The following SCD5 variants were observed in gnomAD, a reference collection of about 807,000 sequenced individuals.
SCD5 encodes stearoyl-CoA desaturase 5, also known as acyl-CoA-desaturase 4.
In SCD5, 20 loss-of-function variants were observed where a neutral mutation model predicts 30.4. The ratio of observed to expected loss-of-function variants is 0.66; its 90% CI spans 0.46 to 0.96. The LOEUF is 0.96. SCD5 is among the 40% of genes least tolerant of loss of function. SCD5 has a pLI of 0.00. For missense variants in SCD5, 381 were observed against 443.3 expected (o/e 0.86, Z 1.26); for synonymous variants, 173 against 176.4 (o/e 0.98, Z 0.16).
At chr4:82,780,016 T>C (rs1721834771) in intron 1 of SCD5, among the ~76,000 whole-genome samples, 1 of 152,248 alleles carries the variant, frequency 6.6e-6, no homozygotes, top group South Asian at 2.1e-4. Flanking sequence ...AAGGATACTG[T>C]GGCCCTATAA....
intron 3 of SCD5, among the ~76,000 whole-genome samples, chr4:82,663,402 A>G (rs1728064770): frequency 6.6e-6 from 1 of 152,184 alleles, no homozygotes; most frequent in Non-Finnish European, 1.5e-5. Context: ...CTCACAAGGA[A>G]GGTTGGGGAC....
intron 1 of SCD5, among the ~76,000 whole-genome samples, chr4:82,715,319 G>A (rs1363810158): frequency 6.6e-6 from 1 of 151,492 alleles, no homozygotes; most frequent in Non-Finnish European, 1.5e-5. Flanking sequence ...AGCGGAAATG[G>A]AAGACGTTGG....
intron 1 of SCD5, among the ~76,000 whole-genome samples, chr4:82,746,318 G>T (rs1720981290): frequency 6.6e-6 from 1 of 152,240 alleles, no homozygotes; most frequent in Non-Finnish European, 1.5e-5. Context: ...GCTCTCTTAG[G>T]CTGAGGAGTG....
At chr4:82,726,786 G>A (rs1720508717) in intron 1 of SCD5, among the ~76,000 whole-genome samples, 1 of 152,118 alleles carries the variant, frequency 6.6e-6, no homozygotes, top group Admixed American at 6.5e-5. Context: ...GAGACGCGCT[G>A]GACTGGATAA....
Position 82,705,391 on chromosome 4 carries a change from G to T in SCD5, c.255C>A (p.Ala85=), listed in dbSNP as rs374544503. Residue 85 remains alanine (A), a synonymous_variant, in exon 2 of 5, where the codon GCC becomes GCA. Coordinates refer to ENST00000319540, the MANE Select transcript of SCD5 (RefSeq NM_001037582.3). The stretch of plus-strand genomic sequence containing the variant: ...GGGCACCAGCTGTCACACCCAGAGC[G>T]GCCAGGAGGAAGCAGAAGTAGGCTG... ...LLWAYFCFLL[A]ALGVTAGAHR... 6.2e-7 allele frequency: 1 copy of T among 1,614,178 alleles called. No individual in the cohort carries two copies. The highest frequency in any genetic ancestry group is 1.7e-5 in the Admixed American group (1 of 60,032).
intron 1 of SCD5, among the ~76,000 whole-genome samples, chr4:82,797,816 G>T (rs956810988): frequency 6.6e-6 from 1 of 152,158 alleles, no homozygotes; most frequent in Non-Finnish European, 1.5e-5. Context: ...CTCCTCCCCG[G>T]TCCAACTCCC....
chr4:82,697,609 T>G (rs1379783566), intron 2 of SCD5, among the ~76,000 whole-genome samples: 1 of 152,210 alleles, frequency 6.6e-6, no homozygotes, highest in Non-Finnish European at 1.5e-5. Flanking sequence ...AAGTAAGGCA[T>G]CTTAGGGGTG....
At chr4:82,696,687 G>C (rs1169361518) in intron 2 of SCD5, among the ~76,000 whole-genome samples, 2 of 152,172 alleles carry the variant, frequency 1.3e-5, no homozygotes, top group African/African-American at 2.4e-5. Context: ...AGGCAGCTGG[G>C]GGAGAAATCA....
Position 82,680,924 on chromosome 4 carries a change from A to G in SCD5, c.364-12T>C. 1 of 1,608,538 alleles carries G rather than the reference A, an allele frequency of 6.2e-7. No homozygotes were observed. Among genetic ancestry groups the G allele is most frequent in the Non-Finnish European group, 8.5e-7 (1 of 1,178,916 alleles). On this transcript the variant is annotated splice_polypyrimidine_tract_variant and intron_variant, in intron 2 of 4. Transcript: ENST00000319540. ...TCGAAGATGTCATTCTGCAGAGAGAATGAGAGCCTGAGTGAAGAGAGGAAC... is the reference window on the plus strand; with the variant it reads ...TCGAAGATGTCATTCTGCAGAGAGAGTGAGAGCCTGAGTGAAGAGAGGAAC...
chr4:82,693,040 G>T (rs1443478125), intron 2 of SCD5, among the ~76,000 whole-genome samples: 3 of 152,226 alleles, frequency 2.0e-5, no homozygotes, highest in Non-Finnish European at 2.9e-5. Flanking sequence ...TGGACTCAGT[G>T]TGACCCTGAT....
At chr4:82,721,160 TAAAACA>T (rs758783172) in intron 1 of SCD5, among the ~76,000 whole-genome samples, 3 of 151,964 alleles carry the variant, frequency 2.0e-5, no homozygotes, top group South Asian at 4.2e-4. Flanking sequence ...GACCCCATCT[TAAAACA>T]AAAACAAAAA....
intron 3 of SCD5, among the ~76,000 whole-genome samples, chr4:82,664,572 A>G (rs925677453): frequency 1.3e-5 from 2 of 152,202 alleles, no homozygotes; most frequent in Non-Finnish European, 2.9e-5. Context: ...AAAGGGATCT[A>G]TGGAAAAGGT....
intron 1 of SCD5, among the ~76,000 whole-genome samples, chr4:82,721,037 G>A (rs112634815): frequency 0.014 from 2,082 of 152,212 alleles, 52 homozygotes; most frequent in African/African-American, 0.047. Flanking sequence ...GCACATGCCT[G>A]TAGTTCCAGC....
chr4:82,790,137 T>C (rs1001213563), intron 1 of SCD5, among the ~76,000 whole-genome samples: 1 of 152,104 alleles, frequency 6.6e-6, no homozygotes, highest in African/African-American at 2.4e-5. Context: ...GAGATGTTTG[T>C]CCCAGTGTCT....
chr4:82,712,291 TATA>T (rs1720122951), intron 1 of SCD5, among the ~76,000 whole-genome samples: 2 of 46,952 alleles, frequency 4.3e-5, no homozygotes, highest in African/African-American at 9.3e-5. Flanking sequence ...TATATATATA[TATA>T]TATTTTATTT....
At chr4:82,751,732 T>C (rs1461154445) in intron 1 of SCD5, among the ~76,000 whole-genome samples, 1 of 152,188 alleles carries the variant, frequency 6.6e-6, no homozygotes, top group Admixed American at 6.5e-5. Context: ...GTTCAAGCAA[T>C]TCTCCTGCCT....
chr4:82,656,018 T>C (rs1727860268), intron 3 of SCD5, among the ~76,000 whole-genome samples: 1 of 152,138 alleles, frequency 6.6e-6, no homozygotes, highest in Non-Finnish European at 1.5e-5. Flanking sequence ...AGGTCCACAA[T>C]AGGGGAAAAT....
chr4:82,698,885 T>C (rs919280179), intron 2 of SCD5, among the ~76,000 whole-genome samples: 1 of 152,214 alleles, frequency 6.6e-6, no homozygotes, highest in Non-Finnish European at 1.5e-5. Flanking sequence ...AATACATTTG[T>C]TTGTTCATTT....
intron 1 of SCD5, among the ~76,000 whole-genome samples, chr4:82,721,214 C>T (rs1393520853): frequency 6.6e-6 from 1 of 152,094 alleles, no homozygotes; most frequent in East Asian, 1.9e-4. Flanking sequence ...AAAGGACTGC[C>T]CCGTTTCGCA....
Sources: allele counts gnomAD v4.1 joint callset (sites outside exome capture counted in the v4.1 genomes callset), GRCh38; gene constraint gnomAD v4.1.1; transcripts MANE v1.5; gene names NCBI Gene and HGNC (gene_info 2026-07-23, HGNC 2026-07-21).